The following PCBP4 variants were observed in gnomAD, a reference collection of about 807,000 sequenced individuals.
The protein encoded by PCBP4 is poly(rC)-binding protein 4.
Under a neutral mutation model 46.2 loss-of-function variants are expected in PCBP4, and 24 were observed. The ratio of observed to expected loss-of-function variants is 0.52; its 90% CI spans 0.38 to 0.73. The LOEUF is 0.73. Among genes scored for constraint, PCBP4 ranks in the 30% least tolerant of loss-of-function variants. The pLI is 0.00. For synonymous variants in PCBP4, 203 were observed against 224.4 expected (o/e 0.90, Z 0.85); for missense variants, 407 against 537.0 (o/e 0.76, Z 2.39).
chr3:51,967,466 AGCCCGG>A (rs1700494868), upstream of PCBP4: 1 of 138,890 alleles, frequency 7.2e-6, no homozygotes, highest in Non-Finnish European at 1.6e-5. Flanking sequence ...ACAGGCGCGG[AGCCCGG>A]CCGGCCCGGA....
Position 51,958,461 on chromosome 3 carries a change from C to G in PCBP4, c.924-112G>C, listed in dbSNP as rs930540499. The G allele has an allele frequency of 1.3e-6, 1 of 747,094 alleles. No individual in the cohort carries two copies. The highest frequency in any genetic ancestry group is 1.8e-5 in the African/African-American group (1 of 56,140). 46.3% of individuals were successfully genotyped at this position (747,094 alleles called of 1,614,324 possible). A position where few individuals can be genotyped will look rare whatever the true frequency, so the allele number is the denominator to read the frequency against. On this transcript the variant is annotated intron_variant, in intron 13 of 13. Coordinates refer to ENST00000461554, the MANE Select transcript of PCBP4 (RefSeq NM_001174100.2). This position sits in a 1 kb window ranked among gnomAD's most constrained non-coding sequence, Gnocchi z 5.4. ...TGAAAGGCAAGAGAGAGGTAGTGAACAGAGAACAATAAGGGGAAGATGGGA... is the reference window on the plus strand; with the variant it reads ...TGAAAGGCAAGAGAGAGGTAGTGAAGAGAGAACAATAAGGGGAAGATGGGA...
At position 51,960,064 on chromosome 3, in the gene PCBP4, A is replaced by C. The variant is rs1406051688; in HGVS notation, c.388-41T>G. On this transcript the variant is annotated intron_variant, in intron 7 of 13. Transcript: ENST00000461554. The surrounding 1 kb of genome is among the most constrained non-coding windows in gnomAD (Gnocchi z 5.0). ...AGGGGCCACTTCTGGCTGCTCCCAT[A>C]ACCCAGAAAAGGGCTGCCCAGGCTC... 4.3e-6 allele frequency: 7 copies of C among 1,614,140 alleles called. No individual in the cohort carries two copies. In the South Asian group the frequency reaches 7.7e-5, roughly 18 times the overall value.
intron 2 of PCBP4, chr3:51,961,628 A>G (rs1700184832): frequency 4.9e-6 from 2 of 407,196 alleles, no homozygotes; most frequent in Middle Eastern, 1.1e-3. Flanking sequence ...CTGAGACACT[A>G]AAAGAAATAA....
At chr3:51,961,792 G>A (rs1375368158) in intron 2 of PCBP4, 149 bp downstream of exon 2, 3 of 986,222 alleles carry the variant, frequency 3.0e-6, no homozygotes, top group Admixed American at 1.2e-4. Flanking sequence ...ATGGTGGATG[G>A]AGCACAGAAG....
rs561661381 is a variant in PCBP4, at chr3:51,959,503, T to A, written c.591+74A>T. Reference sequence around the variant, plus strand: ...CCCCCGTCCCTGGACCTCCAATTCCTTCTTCCATCCCCTCCTCTATCTCAA... The same window carrying A: ...CCCCCGTCCCTGGACCTCCAATTCCATCTTCCATCCCCTCCTCTATCTCAA... On this transcript the variant is annotated intron_variant, in intron 9 of 13. Transcript: ENST00000461554. This position sits in a 1 kb window ranked among gnomAD's most constrained non-coding sequence, Gnocchi z 5.6. 1 of 1,525,812 alleles carries A rather than the reference T, an allele frequency of 6.6e-7. No individual in the cohort carries two copies. The highest frequency in any genetic ancestry group is 2.4e-5 in the East Asian group (1 of 41,130). The allele number at this position is 1,525,812 out of a possible 1,614,324, so 94.5% of individuals were successfully genotyped here.
chr3:51,958,942 G>A lies in PCBP4; in HGVS notation c.771C>T (p.Ile257=), dbSNP rs144298124. The A allele has an allele frequency of 9.4e-5, 152 of 1,613,950 alleles. No individual in the cohort carries two copies. The African/African-American group carries it at 1.8e-3, about 19-fold the overall frequency. The change falls in exon 13 of 14, where the codon ATC becomes ATT. Residue 257 remains isoleucine (I), a synonymous_variant. Transcript: ENST00000461554. This position sits in a 1 kb window ranked among gnomAD's most constrained non-coding sequence, Gnocchi z 5.4. ...LVPNDLIGCV[I]GRQGSKISEI... is the part of the protein sequence containing the mutation. The stretch of plus-strand genomic sequence containing the variant: ...CGCTGATCTTGCTGCCCTGGCGCCC[G>A]ATCACACAGCCAATCAACTAGAGGG...
chr3:51,959,391 C>T lies in PCBP4; in HGVS notation c.612G>A (p.Gln204=), dbSNP rs1173851034. 5 of 1,611,376 alleles carry T rather than the reference C, an allele frequency of 3.1e-6. No homozygotes were observed. The highest frequency in any genetic ancestry group is 2.2e-5 in the East Asian group (1 of 44,836). ...SANQGFSVQG[Q]YGAVTPAEVT... ...CCTCAGCTGGGGTCACAGCCCCATA[C>T]TGACCCTGGACAGAGAAGCCCTGTG... Residue 204 remains glutamine, a synonymous_variant, in exon 10 of 14, where the codon CAG becomes CAA. Transcript: ENST00000461554. The surrounding 1 kb of genome is among the most constrained non-coding windows in gnomAD (Gnocchi z 5.6).
rs149378966 is a variant in PCBP4, at chr3:51,960,592, G to A, written c.189C>T (p.Thr63=). 279 of 1,614,090 alleles carry A rather than the reference G, an allele frequency of 1.7e-4. No individual in the cohort carries two copies. The highest frequency in any genetic ancestry group is 2.2e-4 in the Non-Finnish European group (262 of 1,180,008). ...CAGCTGCTGTAGACCCGGTGATGGT[G>A]GTGATGCGTTCAGGGCAGGAGCCCT... The part of the protein sequence containing the change: ...ISEGSCPERI[T]TITGSTAAVF... Residue 63 remains threonine (T), a synonymous_variant, in exon 6 of 14, where the codon ACC becomes ACT. Transcript: ENST00000461554. The surrounding 1 kb of genome is among the most constrained non-coding windows in gnomAD (Gnocchi z 5.0).
chr3:51,958,941 C>T lies in PCBP4; in HGVS notation c.772G>A (p.Gly258Arg), dbSNP rs778488684. The change falls in exon 13 of 14, where the codon GGG becomes AGG. Residue 258 changes from glycine (G) to arginine (R), a missense_variant. By Grantham distance (125) the Gly-to-Arg change is moderately radical (BLOSUM62 -2). Coordinates refer to ENST00000461554, the MANE Select transcript of PCBP4 (RefSeq NM_001174100.2). This position sits in a 1 kb window ranked among gnomAD's most constrained non-coding sequence, Gnocchi z 5.4. ...VPNDLIGCVI[G>R]RQGSKISEIR... ...TCGCTGATCTTGCTGCCCTGGCGCCCGATCACACAGCCAATCAACTAGAGG... is the reference window on the plus strand; with the variant it reads ...TCGCTGATCTTGCTGCCCTGGCGCCTGATCACACAGCCAATCAACTAGAGG... The T allele has an allele frequency of 6.2e-6, 10 of 1,613,842 alleles. No homozygotes were observed. The highest frequency in any genetic ancestry group is 1.3e-5 in the African/African-American group (1 of 74,842).
rs771631789 is a variant in PCBP4 at position 51,958,307 on chromosome 3, C to T, written c.966G>A (p.Ser322=). 1.6e-5 allele frequency: 25 copies of T among 1,529,518 alleles called. No homozygotes were observed. The Admixed American group carries it at 2.0e-4, about 12-fold the overall frequency. 94.7% of individuals were successfully genotyped at this position (1,529,518 alleles called of 1,614,324 possible). Residue 322 remains serine (S), a synonymous_variant, in exon 14 of 14, where the codon TCG becomes TCA. Transcript: ENST00000461554. This position sits in a 1 kb window ranked among gnomAD's most constrained non-coding sequence, Gnocchi z 5.4. The part of the protein sequence containing the change: ...AKSTSGGTPS[S]APADLPAPFS... Reference sequence around the variant, plus strand: ...AGGGGGCAGGCAGGTCTGCGGGGGCCGAGCTGGGCGTCCCCCCAGAGGTAG... The same window carrying T: ...AGGGGGCAGGCAGGTCTGCGGGGGCTGAGCTGGGCGTCCCCCCAGAGGTAG...
rs756643353 is a variant in PCBP4 at position 51,959,212 on chromosome 3, G to A, written c.700+17C>T. The A allele has an allele frequency of 4.3e-6, 7 of 1,613,364 alleles. No individual in the cohort carries two copies. Among genetic ancestry groups the A allele is most frequent in the Non-Finnish European group, 5.9e-6 (7 of 1,179,372 alleles). ...CTTAGGACCCTCCCCCTGCCTCCTT[G>A]TGCAGGGGTGGCTTACCTGGCACCA... On this transcript the variant is annotated intron_variant, in intron 11 of 13. Coordinates refer to ENST00000461554, the MANE Select transcript of PCBP4 (RefSeq NM_001174100.2). The surrounding 1 kb of genome is among the most constrained non-coding windows in gnomAD (Gnocchi z 5.6).
Position 51,958,786 on chromosome 3 carries a change from T to C in PCBP4, c.923+4A>G, listed in dbSNP as rs775341538. On this transcript the variant is annotated splice_donor_region_variant and intron_variant, in intron 13 of 13. Coordinates refer to ENST00000461554, the MANE Select transcript of PCBP4 (RefSeq NM_001174100.2). The surrounding 1 kb of genome is among the most constrained non-coding windows in gnomAD (Gnocchi z 5.4). ...TCCCCCACTGCCGCCCAGCCCGCGC[T>C]CACCAGGCAGTGATGAGGTACTGGG... is the stretch of plus-strand genomic sequence containing the variant. 1 of 1,609,460 alleles carries C rather than the reference T, an allele frequency of 6.2e-7. No individual in the cohort carries two copies. Among genetic ancestry groups the C allele is most frequent in the East Asian group, 2.2e-5 (1 of 44,694 alleles).
Position 51,967,394 on chromosome 3 carries a change from C to A in PCBP4, c.-281G>T. The A allele has an allele frequency of 1.3e-5, 2 of 152,492 alleles. No homozygotes were observed. Among genetic ancestry groups the A allele is most frequent in the South Asian group, 3.6e-4 (2 of 5,582 alleles). 9.4% of individuals were successfully genotyped at this position (152,492 alleles called of 1,614,324 possible). Reference sequence around the variant, plus strand: ...GCTGGGCCGCTCAGTCCCACATTGTCCCCGGGAGAGGCGGCCGCTCACAAC... The same window carrying A: ...GCTGGGCCGCTCAGTCCCACATTGTACCCGGGAGAGGCGGCCGCTCACAAC... On this transcript the variant is annotated 5_prime_UTR_variant, in exon 1 of 14. Transcript: ENST00000461554.
chr3:51,960,137 C>A lies in PCBP4; in HGVS notation c.387+52G>T, dbSNP rs770704390. On this transcript the variant is annotated intron_variant, in intron 7 of 13. Coordinates refer to ENST00000461554, the MANE Select transcript of PCBP4 (RefSeq NM_001174100.2). This position sits in a 1 kb window ranked among gnomAD's most constrained non-coding sequence, Gnocchi z 5.0. ...CGCCATAAGCCCAACACCCCTCTTA[C>A]AACTGCTCCCTTGCCCCGGATTCCC... 5.0e-6 allele frequency: 8 copies of A among 1,614,174 alleles called. No homozygotes were observed. In the South Asian group the frequency reaches 7.7e-5, roughly 16 times the overall value.
chr3:51,959,009 C>T lies in PCBP4; in HGVS notation c.753+38G>A, dbSNP rs111526907. 4.6e-3 allele frequency: 7,447 copies of T among 1,613,206 alleles called. 29 individuals carry two copies. The highest frequency in any genetic ancestry group is 5.2e-3 in the Non-Finnish European group (6,090 of 1,179,432). On this transcript the variant is annotated intron_variant, in intron 12 of 13. Coordinates refer to ENST00000461554, the MANE Select transcript of PCBP4 (RefSeq NM_001174100.2). The surrounding 1 kb of genome is among the most constrained non-coding windows in gnomAD (Gnocchi z 5.6). ...CTGGGTGAGGTCCAGACCCCCAGAC[C>T]CCCTACCCACCCTCCAGCCATCCCA... is the stretch of plus-strand genomic sequence containing the variant.
Position 51,959,846 on chromosome 3 carries a change from G to T in PCBP4, c.516+49C>A. On this transcript the variant is annotated intron_variant, in intron 8 of 13. Transcript: ENST00000461554. The surrounding 1 kb of genome is among the most constrained non-coding windows in gnomAD (Gnocchi z 5.6). The stretch of plus-strand genomic sequence containing the variant: ...AGGGTTTGGGGTCCCCGACAAGGCA[G>T]ACCCAGGGCCCATCTCCTGCCCCCT... 1 of 1,554,310 alleles carries T rather than the reference G, an allele frequency of 6.4e-7. No homozygotes were observed. The highest frequency in any genetic ancestry group is 1.2e-5 in the South Asian group (1 of 80,872).
At chr3:51,965,661 G>A (rs532753583) in intron 1 of PCBP4, among the ~76,000 whole-genome samples, 1 of 152,342 alleles carries the variant, frequency 6.6e-6, no homozygotes, top group South Asian at 2.1e-4. Flanking sequence ...CAAAGATGGG[G>A]CTGAGGGTCC....
rs1232596239 is a variant in PCBP4 at position 51,960,179 on chromosome 3, C to T, written c.387+10G>A. 14 of 1,614,090 alleles carry T rather than the reference C, an allele frequency of 8.7e-6. No individual in the cohort carries two copies. The highest frequency in any genetic ancestry group is 1.2e-5 in the Non-Finnish European group (14 of 1,180,034). On this transcript the variant is annotated intron_variant, in intron 7 of 13. Coordinates refer to ENST00000461554, the MANE Select transcript of PCBP4 (RefSeq NM_001174100.2). The surrounding 1 kb of genome is among the most constrained non-coding windows in gnomAD (Gnocchi z 5.0). ...CGGATTCCCTGTGGGTGGTATATCT[C>T]GCCCCTCACCTCTCGGATCTCCTTG...
Position 51,963,957 on chromosome 3 carries a change from G to A in PCBP4, c.-212-1869C>T, listed in dbSNP as rs1402343125. On this transcript the variant is annotated intron_variant, in intron 1 of 13. Coordinates refer to ENST00000461554, the MANE Select transcript of PCBP4 (RefSeq NM_001174100.2). ...TAGGGAGTCATTTGCTGCTCCAGCC[G>A]GGTGGGCCCTGGGTCTTTGCCGGGC... 3.3e-5 allele frequency among the ~76,000 whole-genome samples: 5 copies of A among 152,312 alleles called. No homozygotes were observed. The South Asian group carries it at 8.3e-4, about 25-fold the overall frequency.
Sources: allele counts gnomAD v4.1 joint callset (sites outside exome capture counted in the v4.1 genomes callset), GRCh38; gene constraint gnomAD v4.1.1; non-coding constraint Gnocchi (gnomAD v3.1); transcripts MANE v1.5; gene names NCBI Gene and HGNC (gene_info 2026-07-23, HGNC 2026-07-21).